The following RGS7BP variants were observed in gnomAD, a reference collection of about 807,000 sequenced individuals.
RGS7BP encodes the protein regulator of G protein signaling 7-binding protein.
Under a neutral mutation model 31.3 loss-of-function variants are expected in RGS7BP, and 9 were observed. The ratio of observed to expected loss-of-function variants is 0.29; its 90% CI spans 0.17 to 0.50. RGS7BP has a LOEUF of 0.50. RGS7BP is among the 20% of genes least tolerant of loss of function. RGS7BP has a pLI of 0.98. For missense variants in RGS7BP, 274 were observed against 322.0 expected, an observed-to-expected ratio of 0.85 and a Z score of 1.14; for synonymous variants, 115 against 120.1, an observed-to-expected ratio of 0.96 and a Z score of 0.28.
intron 2 of RGS7BP, among the ~76,000 whole-genome samples, chr5:64,560,562 T>A (rs67426546): frequency 1.1e-4 from 16 of 147,592 alleles, no homozygotes; most frequent in African/African-American, 4.0e-4. Flanking sequence ...TATATATATA[T>A]AATCTATCAA....
intron 2 of RGS7BP, among the ~76,000 whole-genome samples, chr5:64,514,791 T>C (rs546910658): frequency 6.6e-6 from 1 of 152,244 alleles, no homozygotes; most frequent in Admixed American, 6.5e-5. Context: ...ATACTGTTGC[T>C]TAAGGACCAT....
At chr5:64,588,864 G>A (rs1015023681) in intron 3 of RGS7BP, among the ~76,000 whole-genome samples, 7 of 151,870 alleles carry the variant, frequency 4.6e-5, no homozygotes, top group Non-Finnish European at 8.8e-5. Context: ...ATAGCAATTC[G>A]GAAAGAACAG....
At chr5:64,592,312 G>GCAGATCTAATT (rs1206768881) in intron 3 of RGS7BP, among the ~76,000 whole-genome samples, 1 of 152,098 alleles carries the variant, frequency 6.6e-6, no homozygotes, top group Non-Finnish European at 1.5e-5. Flanking sequence ...TTCTGGTTCA[G>GCAGATCTAATT]CTACATTAGC....
At chr5:64,524,819 C>A (rs909268649) in intron 2 of RGS7BP, among the ~76,000 whole-genome samples, 6 of 152,108 alleles carry the variant, frequency 3.9e-5, no homozygotes, top group African/African-American at 1.4e-4. Context: ...GCCCACTGCC[C>A]ACGAGGCCCC....
intron 3 of RGS7BP, among the ~76,000 whole-genome samples, chr5:64,584,385 T>A (rs1742686315): frequency 6.6e-6 from 1 of 152,148 alleles, no homozygotes; most frequent in African/African-American, 2.4e-5. Context: ...TTACATATAG[T>A]AAAAGTAAAT....
intron 5 of RGS7BP, among the ~76,000 whole-genome samples, chr5:64,600,320 T>A (rs532418349): frequency 6.6e-6 from 1 of 152,232 alleles, no homozygotes; most frequent in East Asian, 1.9e-4. Context: ...AGCCACATCA[T>A]CCTAAACATT....
At chr5:64,603,486 G>A (rs1429793381) in intron 5 of RGS7BP, among the ~76,000 whole-genome samples, 1 of 152,144 alleles carries the variant, frequency 6.6e-6, no homozygotes, top group Non-Finnish European at 1.5e-5. Context: ...CCTACCAACA[G>A]TGTGCACAGA....
chr5:64,578,548 C>A (rs1742497044), intron 3 of RGS7BP, among the ~76,000 whole-genome samples: 1 of 152,120 alleles, frequency 6.6e-6, no homozygotes, highest in South Asian at 2.1e-4. Flanking sequence ...GCTCCTCTAC[C>A]CTTTGAGACC....
intron 3 of RGS7BP, 98 bp downstream of exon 3, chr5:64,576,002 T>C (rs575985900): frequency 3.7e-4 from 384 of 1,035,162 alleles, no homozygotes; most frequent in Middle Eastern, 1.3e-3. Context: ...TGCCTATCTA[T>C]ATGCAATTAC....
At chr5:64,515,130 A>C (rs978371640) in intron 2 of RGS7BP, among the ~76,000 whole-genome samples, 3 of 152,194 alleles carry the variant, frequency 2.0e-5, no homozygotes, top group Admixed American at 1.3e-4. Flanking sequence ...CAATGATGAT[A>C]TATTTGTCTT....
intron 2 of RGS7BP, among the ~76,000 whole-genome samples, chr5:64,513,531 G>A (rs900111683): frequency 2.0e-5 from 3 of 152,172 alleles, no homozygotes; most frequent in African/African-American, 7.2e-5. Context: ...GTGAGATAAG[G>A]GAAAATAAAG....
intron 3 of RGS7BP, among the ~76,000 whole-genome samples, chr5:64,581,039 C>T (rs1305496224): frequency 2.0e-5 from 3 of 151,948 alleles, no homozygotes; most frequent in African/African-American, 7.3e-5. Flanking sequence ...CATGGTGAGA[C>T]CCTGTCTCTA....
chr5:64,528,653 A>G (rs949239353), intron 2 of RGS7BP, among the ~76,000 whole-genome samples: 6 of 151,902 alleles, frequency 3.9e-5, no homozygotes. Context: ...CTTTACTAAA[A>G]TACAAAAATT....
At chr5:64,583,451 G>A (rs1232675947) in intron 3 of RGS7BP, among the ~76,000 whole-genome samples, 1 of 152,100 alleles carries the variant, frequency 6.6e-6, no homozygotes, top group African/African-American at 2.4e-5. Context: ...CTAAGGCAAA[G>A]GGAGAGAGGA....
intron 2 of RGS7BP, among the ~76,000 whole-genome samples, chr5:64,554,646 T>C (rs1741879513): frequency 6.6e-6 from 1 of 152,102 alleles, no homozygotes; most frequent in Admixed American, 6.6e-5. Context: ...GAATATGAGA[T>C]CACAAGTTAA....
At chr5:64,577,398 G>A (rs933729062) in intron 3 of RGS7BP, among the ~76,000 whole-genome samples, 1 of 151,964 alleles carries the variant, frequency 6.6e-6, no homozygotes, top group Non-Finnish European at 1.5e-5. Flanking sequence ...GCCAAGATCC[G>A]GCCACTGCAT....
Position 64,506,567 on chromosome 5 carries a change from G to C in RGS7BP, c.-58G>C, listed in dbSNP as rs16892765. 2,926 of 1,510,154 alleles carry C rather than the reference G, an allele frequency of 1.9e-3. 37 individuals carry two copies. In the African/African-American group the frequency reaches 0.03, roughly 15 times the overall value. The allele number at this position is 1,510,154 out of a possible 1,614,324, so 93.5% of individuals were successfully genotyped here. ...GGCGGCGGCGCCCAGGGCAACAACC[G>C]GGCCGCCCGCGCCGGGGCGCACTGC... On this transcript the variant is annotated 5_prime_UTR_variant, in exon 1 of 6. Transcript: ENST00000334025. The surrounding 1 kb of genome is among the most constrained non-coding windows in gnomAD (Gnocchi z 4.6).
intron 2 of RGS7BP, among the ~76,000 whole-genome samples, chr5:64,538,898 C>T (rs1339936119): frequency 6.6e-6 from 1 of 152,110 alleles, no homozygotes; most frequent in Non-Finnish European, 1.5e-5. Flanking sequence ...AGATTCCACT[C>T]GATTCTACTT....
chr5:64,575,922 T>C lies in RGS7BP; in HGVS notation c.463+18T>C. 6.2e-7 allele frequency: 1 copy of C among 1,603,202 alleles called. No homozygotes were observed. Among genetic ancestry groups the C allele is most frequent in the Non-Finnish European group, 8.5e-7 (1 of 1,175,540 alleles). On this transcript the variant is annotated intron_variant, in intron 3 of 5. Coordinates refer to ENST00000334025, the MANE Select transcript of RGS7BP (RefSeq NM_001029875.3). ...TCGAAAAGGTATCTACATTTAATAT[T>C]GCCGGAAACACTGAGGAATGTTGAA...
Sources: gnomAD v4.1 joint callset for allele counts (sites outside exome capture counted in the v4.1 genomes callset) on GRCh38, gnomAD v4.1.1 for gene constraint, Gnocchi (gnomAD v3.1) non-coding constraint, MANE v1.5 for transcripts, NCBI Gene and HGNC (gene_info 2026-07-23, HGNC 2026-07-21) for gene names.